Variants in WASF3 observed in about 807,000 individuals in gnomAD.
The protein encoded by WASF3 is WASP family member 3.
In WASF3, 11 loss-of-function variants were observed where a neutral mutation model predicts 46.6. The ratio of observed to expected loss-of-function variants is 0.24; its 90% CI spans 0.15 to 0.39. WASF3 has a LOEUF of 0.39. WASF3 is among the 10% of genes least tolerant of loss of function. The pLI is 1.00. For missense variants in WASF3, 576 were observed against 669.8 expected, an observed-to-expected ratio of 0.86 and a Z score of 1.55; for synonymous variants, 242 against 259.7, an observed-to-expected ratio of 0.93 and a Z score of 0.65.
At chr13:26,560,609 C>T (rs1329187770) in intron 1 of WASF3, among the ~76,000 whole-genome samples, 1 of 152,134 alleles carries the variant, frequency 6.6e-6, no homozygotes, top group Admixed American at 6.5e-5. Flanking sequence ...CATAGTCTAC[C>T]AGGACAAGCA....
At chr13:26,651,878 T>C (rs548463034) in intron 3 of WASF3, among the ~76,000 whole-genome samples, 7 of 152,372 alleles carry the variant, frequency 4.6e-5, no homozygotes, top group African/African-American at 1.7e-4. Context: ...TACTATGTTA[T>C]TTGAAAGTAG....
intron 1 of WASF3, among the ~76,000 whole-genome samples, chr13:26,560,649 T>TA (rs1176561818): frequency 6.6e-6 from 1 of 152,192 alleles, no homozygotes; most frequent in Admixed American, 6.5e-5. Flanking sequence ...AGTACCATGA[T>TA]AGAGTCAGTA....
At chr13:26,631,527 C>T (rs1385190594) in intron 2 of WASF3, among the ~76,000 whole-genome samples, 1 of 152,086 alleles carries the variant, frequency 6.6e-6, no homozygotes, top group East Asian at 1.9e-4. Context: ...TTCCATTGGT[C>T]TATATCTCTG....
chr13:26,541,729 C>T, the WASF3 span, among the ~76,000 whole-genome samples: 3 of 151,990 alleles, frequency 2.0e-5, no homozygotes, highest in Non-Finnish European at 4.4e-5. Flanking sequence ...GTGATCCTCC[C>T]GCGTTGGCCT....
At chr13:26,683,121 T>C in intron 9 of WASF3, 147 bp downstream of exon 9, 1 of 1,178,492 alleles carries the variant, frequency 8.5e-7, no homozygotes. Context: ...TTTTTTTGTT[T>C]TGTTTTGAAT....
rs930323228 is a variant in WASF3, at chr13:26,681,101, A to G, written c.764A>G (p.Asn255Ser). 1.2e-6 allele frequency: 2 copies of G among 1,613,996 alleles called. No individual in the cohort carries two copies. The highest frequency in any genetic ancestry group is 3.3e-5 in the Admixed American group (2 of 60,004). ...VTDYSYPATP[N>S]HSLHPQPVTP... is the part of the protein sequence containing the mutation. ...GATTACTCTTACCCGGCTACTCCCAACCATTCTCTGCACCCCCAGCCTGTG... is the reference window on the plus strand; with the variant it reads ...GATTACTCTTACCCGGCTACTCCCAGCCATTCTCTGCACCCCCAGCCTGTG... Residue 255 changes from asparagine to serine, a missense_variant, in exon 8 of 10, where the codon AAC (asparagine) becomes AGC (serine). By Grantham distance (46) the Asn-to-Ser change is conservative. This residue lies in a region of WASF3 where 295 missense variants were observed against 291.5 expected (regional missense o/e 1.01). Transcript: ENST00000335327.
At chr13:26,637,017 T>A (rs991366003) in intron 2 of WASF3, among the ~76,000 whole-genome samples, 9 of 152,216 alleles carry the variant, frequency 5.9e-5, no homozygotes, top group African/African-American at 2.2e-4. Context: ...CTGGAGCATG[T>A]GTGTCTTACC....
intron 3 of WASF3, among the ~76,000 whole-genome samples, chr13:26,663,905 T>C (rs1882700743): frequency 1.3e-5 from 2 of 152,296 alleles, no homozygotes; most frequent in East Asian, 1.9e-4. Context: ...GTACTAGCCA[T>C]GGGATTTGGA....
chr13:26,569,937 TTTAGA>T (rs1407862423), intron 1 of WASF3, among the ~76,000 whole-genome samples: 1 of 152,230 alleles, frequency 6.6e-6, no homozygotes, highest in African/African-American at 2.4e-5. Flanking sequence ...CATTTTTAAC[TTTAGA>T]TTAAATGGAC....
intron 1 of WASF3, chr13:26,577,536 T>G (rs554252204): frequency 1.5e-6 from 2 of 1,329,086 alleles, no homozygotes; most frequent in Admixed American, 3.4e-5. Flanking sequence ...GTAAAAATGC[T>G]GAAGAAGCCC....
intron 2 of WASF3, among the ~76,000 whole-genome samples, chr13:26,629,384 A>G (rs958084709): frequency 1.3e-5 from 2 of 152,162 alleles, no homozygotes; most frequent in Non-Finnish European, 2.9e-5. Flanking sequence ...GCTGTTGGCC[A>G]CTGCCCACAC....
At chr13:26,633,782 C>T (rs1881730839) in intron 2 of WASF3, among the ~76,000 whole-genome samples, 1 of 152,168 alleles carries the variant, frequency 6.6e-6, no homozygotes, top group African/African-American at 2.4e-5. Flanking sequence ...TGTTCAGTTT[C>T]CACACAGTTG....
At chr13:26,554,084 C>CTTTCT (rs1268537550), upstream of WASF3, among the ~76,000 whole-genome samples, 180 of 35,964 alleles carry the variant, frequency 5.0e-3, no homozygotes, top group Middle Eastern at 0.043. Context: ...TCCTTCCTTC[C>CTTTCT]TTCCTTCCTT....
the WASF3 span, among the ~76,000 whole-genome samples, chr13:26,542,437 T>C: frequency 6.6e-6 from 1 of 152,278 alleles, no homozygotes; most frequent in South Asian, 2.1e-4. Context: ...AGCAGCATTA[T>C]ATTTGGAGAA....
At chr13:26,591,679 TGA>T (rs1214546170) in intron 1 of WASF3, among the ~76,000 whole-genome samples, 6 of 152,126 alleles carry the variant, frequency 3.9e-5, no homozygotes, top group Non-Finnish European at 7.3e-5. Flanking sequence ...AGTTAGCTGT[TGA>T]GTATACAGTT....
intron 3 of WASF3, among the ~76,000 whole-genome samples, chr13:26,656,343 T>C (rs1566065022): frequency 1.3e-5 from 2 of 152,208 alleles, no homozygotes; most frequent in African/African-American, 4.8e-5. Context: ...TCTCTTTACC[T>C]AAACTCTCTT....
chr13:26,586,922 C>T (rs1269173494), intron 1 of WASF3, among the ~76,000 whole-genome samples: 4 of 151,430 alleles, frequency 2.6e-5, no homozygotes, highest in South Asian at 2.1e-4. Context: ...GTCAACATGG[C>T]GAAACCCTGT....
chr13:26,665,945 T>G (rs1593178837), intron 4 of WASF3, among the ~76,000 whole-genome samples: 1 of 152,346 alleles, frequency 6.6e-6, no homozygotes, highest in East Asian at 1.9e-4. Context: ...ATTGCTCTTG[T>G]TGCTTTGAAA....
chr13:26,627,593 T>A (rs1881507899), intron 2 of WASF3, among the ~76,000 whole-genome samples: 2 of 152,278 alleles, frequency 1.3e-5, no homozygotes, highest in South Asian at 4.1e-4. Context: ...TGGTAGGTGT[T>A]GTAGTAATGA....
Sources: allele counts gnomAD v4.1 joint callset (sites outside exome capture counted in the v4.1 genomes callset), GRCh38; gene constraint gnomAD v4.1.1; regional missense constraint gnomAD v4.1.1; transcripts MANE v1.5; gene names NCBI Gene and HGNC (gene_info 2026-07-23, HGNC 2026-07-21).